ATF3: variants seen among roughly 807,000 people sequenced by gnomAD.
ATF3 encodes the protein activating transcription factor 3, also known as cyclic AMP-dependent transcription factor ATF-3.
ATF3 carries 10 observed loss-of-function variants against 18.4 expected under a neutral mutation model. That is an observed-to-expected ratio of 0.54 (90% confidence interval 0.34 to 0.92). The LOEUF is 0.92. Among genes scored for constraint, ATF3 ranks in the 40% least tolerant of loss-of-function variants. ATF3 has a pLI of 0.02. For synonymous variants in ATF3, 78 were observed against 87.9 expected, an observed-to-expected ratio of 0.89 and a Z score of 0.63; for missense variants, 183 against 222.3, an observed-to-expected ratio of 0.82 and a Z score of 1.12.
chr1:212,576,438 C>T (rs1664577065), intron 1 of ATF3, among the ~76,000 whole-genome samples: 2 of 151,680 alleles, frequency 1.3e-5, no homozygotes, highest in Non-Finnish European at 2.9e-5. Flanking sequence ...TCATTCTTCT[C>T]TTATATTATT....
At chr1:212,607,183 G>A (rs1417610008), upstream of ATF3, among the ~76,000 whole-genome samples, 2 of 152,196 alleles carry the variant, frequency 1.3e-5, no homozygotes, top group Non-Finnish European at 2.9e-5. Context: ...CCCGGTGGGG[G>A]GAACTGGGGA....
At chr1:212,603,331 T>C (rs1329217389) in intron 1 of ATF3, among the ~76,000 whole-genome samples, 1 of 152,132 alleles carries the variant, frequency 6.6e-6, no homozygotes, top group African/African-American at 2.4e-5. Flanking sequence ...TAAAGGAGGA[T>C]GGGAAGCAGA....
chr1:212,573,940 A>G (rs1664526886), intron 1 of ATF3, among the ~76,000 whole-genome samples: 1 of 135,848 alleles, frequency 7.4e-6, no homozygotes, highest in African/African-American at 2.6e-5. Context: ...TATTATTCAT[A>G]GGGTTTTTTT....
intron 2 of ATF3, among the ~76,000 whole-genome samples, chr1:212,615,619 G>A (rs1015242026): frequency 2.6e-5 from 4 of 151,734 alleles, no homozygotes; most frequent in East Asian, 2.0e-4. Flanking sequence ...AGACCAGCCT[G>A]GGCAACACAA....
chr1:212,585,925 T>C (rs1664771684), intron 1 of ATF3, among the ~76,000 whole-genome samples: 2 of 152,092 alleles, frequency 1.3e-5, no homozygotes, highest in African/African-American at 4.8e-5. Context: ...CCCGGGCCTT[T>C]AGTCATTGGC....
intron 1 of ATF3, among the ~76,000 whole-genome samples, chr1:212,574,067 A>G (rs1664529805): frequency 6.6e-6 from 1 of 151,030 alleles, no homozygotes; most frequent in Non-Finnish European, 1.5e-5. Context: ...TTTTGCCTTT[A>G]GTCTTTTCTG....
In ATF3 at chr1:212,617,562, G is replaced by A. The variant is rs577435569; in HGVS notation, c.241-565G>A. Among the ~76,000 whole-genome samples the A allele has an allele frequency of 7.9e-5, 12 of 152,358 alleles. No homozygotes were observed. The South Asian group carries it at 2.5e-3, about 32-fold the overall frequency. ...GCATGGGCCGATTAATGCCGCTTTGGTTGGGAATGGGCTTAGGTGCCTTTT... is the reference window on the plus strand; with the variant it reads ...GCATGGGCCGATTAATGCCGCTTTGATTGGGAATGGGCTTAGGTGCCTTTT... On this transcript the variant is annotated intron_variant, in intron 2 of 3. Transcript: ENST00000341491.
chr1:212,591,894 G>A (rs912842721), intron 1 of ATF3, among the ~76,000 whole-genome samples: 2 of 152,170 alleles, frequency 1.3e-5, no homozygotes, highest in East Asian at 1.9e-4. Flanking sequence ...GAGCGATCTC[G>A]GATCACTGCA....
chr1:212,576,536 G>A (rs975725530), intron 1 of ATF3, among the ~76,000 whole-genome samples: 4 of 151,102 alleles, frequency 2.6e-5, no homozygotes, highest in African/African-American at 4.9e-5. Flanking sequence ...GTTTTTATTT[G>A]TTTATTCATT....
intron 1 of ATF3, among the ~76,000 whole-genome samples, chr1:212,594,213 T>TG (rs1347604438): frequency 6.6e-6 from 1 of 152,190 alleles, no homozygotes; most frequent in East Asian, 1.9e-4. Flanking sequence ...AGATGAGGCC[T>TG]GGGGAAATGA....
chr1:212,590,762 A>G (rs113108136), intron 1 of ATF3, among the ~76,000 whole-genome samples: 1,871 of 152,344 alleles, frequency 0.012, 21 homozygotes, highest in Non-Finnish European at 0.017. Flanking sequence ...TTTGAATGGT[A>G]ATATAAGCTT....
At chr1:212,604,643 C>T (rs1485278146), upstream of ATF3, among the ~76,000 whole-genome samples, 1 of 152,148 alleles carries the variant, frequency 6.6e-6, no homozygotes, top group Non-Finnish European at 1.5e-5. Context: ...AGTGCCTTAC[C>T]TATGATGTCT....
intron 1 of ATF3, among the ~76,000 whole-genome samples, chr1:212,585,472 G>A (rs967845804): frequency 3.9e-5 from 6 of 152,228 alleles, no homozygotes; most frequent in African/African-American, 1.4e-4. Context: ...CATCAGAGGA[G>A]CTCTCTGTGG....
chr1:212,592,485 A>G (rs1271661936), intron 1 of ATF3, among the ~76,000 whole-genome samples: 2 of 113,244 alleles, frequency 1.8e-5, no homozygotes, highest in African/African-American at 3.3e-5. Flanking sequence ...TCCACACATT[A>G]TATTTGGTTG....
rs1803173 is a variant in ATF3 at position 212,619,708 on chromosome 1, A to G, written c.*153A>G. Reference sequence around the variant, plus strand: ...GCGGGAGGGCCTGCAGTGATTCAGCAGGCCCTTCCCATTCTGCCCCAGAGT... The same window carrying G: ...GCGGGAGGGCCTGCAGTGATTCAGCGGGCCCTTCCCATTCTGCCCCAGAGT... On this transcript the variant is annotated 3_prime_UTR_variant, in exon 4 of 4. Coordinates refer to ENST00000341491, the MANE Select transcript of ATF3 (RefSeq NM_001674.4). This position sits in a 1 kb window ranked among gnomAD's most constrained non-coding sequence, Gnocchi z 4.4. 0.023 allele frequency: 23,851 copies of G among 1,045,304 alleles called. 588 individuals carry two copies. The highest frequency in any genetic ancestry group is 0.083 in the African/African-American group (5,142 of 61,982). The allele number at this position is 1,045,304 out of a possible 1,614,324, so 64.8% of individuals were successfully genotyped here.
chr1:212,619,270 CA>C lies in ATF3; in HGVS notation c.349-87del. ...GATGAGCCCCGGTGTGTCCCAGGTA[CA>C]CCCCTGCATCCAGGCAGCAGCCCAG... On this transcript the variant is annotated intron_variant, in intron 3 of 3. Transcript: ENST00000341491. The surrounding 1 kb of genome is among the most constrained non-coding windows in gnomAD (Gnocchi z 4.4). 1 of 1,611,430 alleles carries C rather than the reference CA, an allele frequency of 6.2e-7. No homozygotes were observed. The highest frequency in any genetic ancestry group is 2.2e-5 in the East Asian group (1 of 44,866).
chr1:212,606,084 T>C (rs568583721), upstream of ATF3, among the ~76,000 whole-genome samples: 10 of 152,230 alleles, frequency 6.6e-5, no homozygotes, highest in South Asian at 2.1e-3. Flanking sequence ...CAGGGTAAAA[T>C]AAGGATGCAA....
chr1:212,618,117 G>T lies in ATF3; in HGVS notation c.241-10G>T. On this transcript the variant is annotated splice_polypyrimidine_tract_variant and intron_variant, in intron 2 of 3. Coordinates refer to ENST00000341491, the MANE Select transcript of ATF3 (RefSeq NM_001674.4). This position sits in a 1 kb window ranked among gnomAD's most constrained non-coding sequence, Gnocchi z 4.4. Reference sequence around the variant, plus strand: ...CTGCCCTTTAAATGTGTTTCTTTTGGATTTTACAGGTAGCCCCTGAAGAAG... The same window carrying T: ...CTGCCCTTTAAATGTGTTTCTTTTGTATTTTACAGGTAGCCCCTGAAGAAG... The T allele has an allele frequency of 6.2e-7, 1 of 1,613,914 alleles. No individual in the cohort carries two copies.
At chr1:212,578,560 A>T (rs1320241461) in intron 1 of ATF3, among the ~76,000 whole-genome samples, 1 of 152,146 alleles carries the variant, frequency 6.6e-6, no homozygotes, top group Non-Finnish European at 1.5e-5. Context: ...TTAAATTTCA[A>T]TGTTTATACT....
Sources: allele counts gnomAD v4.1 joint callset (sites outside exome capture counted in the v4.1 genomes callset), GRCh38; gene constraint gnomAD v4.1.1; non-coding constraint Gnocchi (gnomAD v3.1); transcripts MANE v1.5; gene names NCBI Gene and HGNC (gene_info 2026-07-23, HGNC 2026-07-21).